TGDS: variants seen among roughly 807,000 people sequenced by gnomAD.
TGDS encodes TDP-glucose 4,6-dehydratase, also known as UDP-D-glucose 4,6-dehydratase.
TGDS carries 47 observed loss-of-function variants against 52.3 expected under a neutral mutation model. That is an observed-to-expected ratio of 0.90 (90% confidence interval 0.71 to 1.15). The LOEUF is 1.15. Ranked by LOEUF, TGDS falls within the 50% of genes most tolerant of loss-of-function variation. TGDS has a pLI of 0.00. For synonymous variants in TGDS, 115 were observed against 136.9 expected (o/e 0.84, Z 1.12); for missense variants, 375 against 418.4 (o/e 0.90, Z 0.90).
chr13:94,588,830 A>T (rs1889092799), intron 4 of TGDS, among the ~76,000 whole-genome samples: 1 of 152,204 alleles, frequency 6.6e-6, no homozygotes, highest in African/African-American at 2.4e-5. Flanking sequence ...AGACAGGCAG[A>T]GACAAATAAA....
chr13:94,576,898 C>T (rs959143207), intron 10 of TGDS, among the ~76,000 whole-genome samples: 2 of 152,026 alleles, frequency 1.3e-5, no homozygotes, highest in East Asian at 1.9e-4. Context: ...GTTAAGAGAT[C>T]GAGACAATCC....
At chr13:94,590,005 T>C (rs1889132695) in intron 4 of TGDS, among the ~76,000 whole-genome samples, 1 of 127,278 alleles carries the variant, frequency 7.9e-6, no homozygotes, top group Non-Finnish European at 1.6e-5. Flanking sequence ...CAAATGGCCA[T>C]CAAGAATAAA....
chr13:94,596,218 C>T, upstream of TGDS: 2 of 1,441,886 alleles, frequency 1.4e-6, no homozygotes, highest in Non-Finnish European at 1.9e-6. Flanking sequence ...TTTTGCGACG[C>T]GCCTCGCTCG....
At chr13:94,576,678 CAA>C (rs1471365976) in intron 10 of TGDS, among the ~76,000 whole-genome samples, 5 of 151,998 alleles carry the variant, frequency 3.3e-5, no homozygotes, top group African/African-American at 1.2e-4. Context: ...CTGACACATC[CAA>C]AAAACTCAAC....
At chr13:94,578,547 C>T (rs554076478) in intron 8 of TGDS, among the ~76,000 whole-genome samples, 183 bp downstream of exon 8, 8 of 152,050 alleles carry the variant, frequency 5.3e-5, no homozygotes, top group Non-Finnish European at 1.0e-4. Flanking sequence ...CTGAAATTAT[C>T]TCAACAATTA....
Position 94,595,816 on chromosome 13 carries a change from G to A in TGDS, c.86+235C>T, listed in dbSNP as rs564729998. 2.6e-5 allele frequency among the ~76,000 whole-genome samples: 4 copies of A among 152,208 alleles called. No individual in the cohort carries two copies. In the South Asian group the frequency reaches 8.3e-4, roughly 32 times the overall value. Reference sequence around the variant, plus strand: ...ATGGTGAGCACCTCCGGCCACAGAAGGGCGGAGAGTAACGCAGCTTTGGAA... The same window carrying A: ...ATGGTGAGCACCTCCGGCCACAGAAAGGCGGAGAGTAACGCAGCTTTGGAA... On this transcript the variant is annotated intron_variant, in intron 1 of 11. Transcript: ENST00000261296.
intron 5 of TGDS, 107 bp from the exon 6 acceptor site, chr13:94,581,296 C>A: frequency 1.5e-6 from 1 of 670,982 alleles, no homozygotes; most frequent in South Asian, 3.1e-5. Context: ...TTAAAAGCCA[C>A]TTCTTAAATC....
At position 94,581,527 on chromosome 13, in the gene TGDS, G is replaced by GT. The variant is rs541278747; in HGVS notation, c.457-339_457-338insA. Among the ~76,000 whole-genome samples, 5 of 152,314 alleles carry GT rather than the reference G, an allele frequency of 3.3e-5. No homozygotes were observed. The South Asian group carries it at 1.0e-3, about 32-fold the overall frequency. ...TGAAGGCCACCGTAAAACAATGACT[G>GT]ATTTTGAGCAGAGTAATGCCAGGTC... On this transcript the variant is annotated intron_variant, in intron 5 of 11. Coordinates refer to ENST00000261296, the MANE Select transcript of TGDS (RefSeq NM_014305.4).
chr13:94,587,056 C>T (rs1270027902), intron 4 of TGDS, among the ~76,000 whole-genome samples: 1 of 152,036 alleles, frequency 6.6e-6, no homozygotes, highest in Non-Finnish European at 1.5e-5. Context: ...TTAGCCACTG[C>T]ACCCAGCAAG....
In TGDS at chr13:94,574,885, AAG is replaced by A. The variant is rs58691634; in HGVS notation, c.983-35_983-34del. 0.016 allele frequency: 13,141 copies of A among 812,838 alleles called. 181 individuals carry two copies. In the African/African-American group the frequency reaches 0.22, roughly 14 times the overall value. 50.4% of individuals were successfully genotyped at this position (812,838 alleles called of 1,614,324 possible). A position where few individuals can be genotyped will look rare whatever the true frequency, so the allele number is the denominator to read the frequency against. On this transcript the variant is annotated intron_variant, in intron 11 of 11. Coordinates refer to ENST00000261296, the MANE Select transcript of TGDS (RefSeq NM_014305.4). Reference sequence around the variant, plus strand: ...GAAAAAACAAAAGACAAAAAAAAAAAAGAAAAGAAAGAAAAACTAAACATCAG... The same window carrying A: ...GAAAAAACAAAAGACAAAAAAAAAAAAAAAGAAAGAAAAACTAAACATCAG...
At chr13:94,576,217 C>T (rs749639821) in intron 11 of TGDS, 97 bp downstream of exon 11, 40 of 737,970 alleles carry the variant, frequency 5.4e-5, no homozygotes, top group Non-Finnish European at 7.2e-5. Context: ...AATGATTCAA[C>T]ACAATATTCC....
chr13:94,596,272 G>T (rs764214116), upstream of TGDS: 1 of 948,496 alleles, frequency 1.1e-6, no homozygotes, highest in African/African-American at 1.7e-5. Context: ...TCCGGAGACT[G>T]CTCTGTGGCC....
intron 1 of TGDS, among the ~76,000 whole-genome samples, chr13:94,594,671 G>T (rs905212324): frequency 5.3e-5 from 8 of 152,026 alleles, no homozygotes; most frequent in Non-Finnish European, 1.2e-4. Flanking sequence ...ACCCTTCCTG[G>T]ACCCGCACTC....
chr13:94,591,148 T>C (rs1349821296), intron 3 of TGDS, among the ~76,000 whole-genome samples: 1 of 152,242 alleles, frequency 6.6e-6, no homozygotes, highest in Non-Finnish European at 1.5e-5. Flanking sequence ...AAACTATTTT[T>C]CCAAATAATA....
chr13:94,591,531 C>A (rs756441153), intron 3 of TGDS, among the ~76,000 whole-genome samples: 3 of 152,062 alleles, frequency 2.0e-5, no homozygotes, highest in Non-Finnish European at 4.4e-5. Flanking sequence ...AGGCAGGGGT[C>A]GCAGTGAGCT....
At position 94,588,261 on chromosome 13, in the gene TGDS, C is replaced by A. The variant is rs1228604843; in HGVS notation, c.313+2592G>T. ...CAACATGGTGAAACCCCATCTCTAT[C>A]AAAAATACAAAATTAGCTGGGCGTG... On this transcript the variant is annotated intron_variant, in intron 4 of 11. Transcript: ENST00000261296. 5.9e-4 allele frequency among the ~76,000 whole-genome samples: 88 copies of A among 149,788 alleles called. 1 individual carries two copies. Among genetic ancestry groups the A allele is most frequent in the African/African-American group, 2.0e-3 (82 of 40,846 alleles).
At position 94,579,879 on chromosome 13, in the gene TGDS, A is replaced by T. The variant is rs751167178; in HGVS notation, c.615+15T>A. Reference sequence around the variant, plus strand: ...AATCACTGAAAAACACCATGAATTAAGAAGTAAAATTTACCTTTTCTGGAT... The same window carrying T: ...AATCACTGAAAAACACCATGAATTATGAAGTAAAATTTACCTTTTCTGGAT... On this transcript the variant is annotated intron_variant, in intron 7 of 11. Transcript: ENST00000261296. 27 of 1,499,498 alleles carry T rather than the reference A, an allele frequency of 1.8e-5. No individual in the cohort carries two copies. In the African/African-American group the frequency reaches 3.5e-4, roughly 19 times the overall value. The allele number at this position is 1,499,498 out of a possible 1,614,324, so 92.9% of individuals were successfully genotyped here.
intron 11 of TGDS, among the ~76,000 whole-genome samples, chr13:94,575,989 AATAATT>A (rs779972969): frequency 2.6e-5 from 4 of 152,192 alleles, no homozygotes; most frequent in East Asian, 3.9e-4. Context: ...AAGCTACAAT[AATAATT>A]ATAAGACACC....
upstream of TGDS, chr13:94,596,247 C>A (rs1200978937): frequency 9.4e-6 from 11 of 1,172,034 alleles, no homozygotes; most frequent in East Asian, 5.2e-5. Context: ...GTTAACAGAG[C>A]AGCCAGAGGC....
Sources: gnomAD v4.1 joint callset for allele counts (sites outside exome capture counted in the v4.1 genomes callset) on GRCh38, gnomAD v4.1.1 for gene constraint, MANE v1.5 for transcripts, NCBI Gene and HGNC (gene_info 2026-07-23, HGNC 2026-07-21) for gene names.